The following ACAN variants were observed in gnomAD, a reference collection of about 807,000 sequenced individuals.
ACAN encodes the protein aggrecan core protein.
ACAN carries 47 observed loss-of-function variants against 169.1 expected under a neutral mutation model. The ratio of observed to expected loss-of-function variants is 0.28; its 90% CI spans 0.22 to 0.35. The LOEUF (loss-of-function observed/expected upper bound fraction) is 0.35, where lower values mean the gene tolerates loss of function less well. Ranked by LOEUF, ACAN falls within the 10% of genes least tolerant of loss-of-function variation. The probability of loss-of-function intolerance (pLI) is 1.00; values close to 1 mark genes in which losing one functional copy is unlikely to be tolerated. For missense variants in ACAN, 2,716 were observed against 2,759.9 expected (o/e 0.98, Z 0.36); for synonymous variants, 1,115 against 1,112.2 (o/e 1.00, Z -0.05).
chr15:88,845,675 T>G lies in ACAN; in HGVS notation c.1222T>G (p.Ser408Ala). 1.2e-6 allele frequency: 2 copies of G among 1,613,954 alleles called. No homozygotes were observed. Among genetic ancestry groups the G allele is most frequent in the Non-Finnish European group, 1.7e-6 (2 of 1,179,866 alleles). Residue 408 changes from serine (S) to alanine (A), a missense_variant, in exon 7 of 19, where the codon TCC becomes GCC. By Grantham distance (99) the Ser-to-Ala change is moderately conservative (BLOSUM62 1). Around this residue, in one of 3 missense-constraint regions of ACAN, gnomAD observed 1,283 missense variants for 1,281.5 expected, o/e 1.00. Transcript: ENST00000560601. ...ILTVKPIFEV[S>A]PSPLEPEEPF... ...TACCGTAAAGCCCATCTTCGAGGTCTCCCCCAGTCCCCTGGAACCCGAGGA... is the reference window on the plus strand; with the variant it reads ...TACCGTAAAGCCCATCTTCGAGGTCGCCCCCAGTCCCCTGGAACCCGAGGA...
At chr15:88,825,277 A>C (rs1896185266) in intron 1 of ACAN, among the ~76,000 whole-genome samples, 1 of 152,210 alleles carries the variant, frequency 6.6e-6, no homozygotes, top group African/African-American at 2.4e-5. Flanking sequence ...CAGCAGGATC[A>C]GACTACCCAG....
Position 88,855,349 on chromosome 15 carries a change from G to A in ACAN, c.2764G>A (p.Asp922Asn), listed in dbSNP as rs927161846. 6.2e-7 allele frequency: 1 copy of A among 1,612,622 alleles called. No individual in the cohort carries two copies. The highest frequency in any genetic ancestry group is 8.5e-7 in the Non-Finnish European group (1 of 1,179,118). Residue 922 changes from aspartate (D) to asparagine (N), a missense_variant, in exon 12 of 19, where the codon GAT becomes AAT. By Grantham distance (23) the Asp-to-Asn change is conservative. Transcript: ENST00000560601. Reference protein sequence around the residue: ...LPVESGLPSGDEERIEWPSTP... With the variant: ...LPVESGLPSGNEERIEWPSTP... ...TGTGGAAAGTGGACTACCCTCAGGG[G>A]ATGAAGAGAGAATTGAGTGGCCCAG...
rs76035942 is a variant in ACAN at position 88,839,153 on chromosome 15, G to A, written c.454+107G>A. 1.1e-5 allele frequency: 16 copies of A among 1,422,660 alleles called. No homozygotes were observed. Among genetic ancestry groups the A allele is most frequent in the Non-Finnish European group, 1.3e-5 (14 of 1,051,000 alleles). 88.1% of individuals were successfully genotyped at this position (1,422,660 alleles called of 1,614,324 possible). A position where few individuals can be genotyped will look rare whatever the true frequency, so the allele number is the denominator to read the frequency against. ...CTGGCCTTCAAACCAGCTCCTCCACGCACCTCAGCCAAGTTACTTAACTTC... is the reference window on the plus strand; with the variant it reads ...CTGGCCTTCAAACCAGCTCCTCCACACACCTCAGCCAAGTTACTTAACTTC... On this transcript the variant is annotated intron_variant, in intron 3 of 18. Transcript: ENST00000560601. This position sits in a 1 kb window ranked among gnomAD's most constrained non-coding sequence, Gnocchi z 4.5.
At chr15:88,825,020 A>AGTGCTG (rs1896177440) in intron 1 of ACAN, among the ~76,000 whole-genome samples, 1 of 152,206 alleles carries the variant, frequency 6.6e-6, no homozygotes, top group Admixed American at 6.5e-5. Context: ...GGAAAGATCC[A>AGTGCTG]GAAGTGTGTG....
Position 88,871,344 on chromosome 15 carries a change from C to T in ACAN, c.7061-38C>T, listed in dbSNP as rs761225054. 2 of 1,612,814 alleles carry T rather than the reference C, an allele frequency of 1.2e-6. No individual in the cohort carries two copies. The highest frequency in any genetic ancestry group is 1.7e-5 in the Admixed American group (1 of 59,978). Reference sequence around the variant, plus strand: ...GCAGCATCTGCCATCCCCTGGTGGCCTCTGCCCCTCCCTTCAAGCCCCTGA... The same window carrying T: ...GCAGCATCTGCCATCCCCTGGTGGCTTCTGCCCCTCCCTTCAAGCCCCTGA... On this transcript the variant is annotated intron_variant, in intron 14 of 18. Coordinates refer to ENST00000560601, the MANE Select transcript of ACAN (RefSeq NM_001369268.1). The surrounding 1 kb of genome is among the most constrained non-coding windows in gnomAD (Gnocchi z 7.8).
At chr15:88,816,799 C>T (rs1002651081) in intron 1 of ACAN, among the ~76,000 whole-genome samples, 2 of 152,206 alleles carry the variant, frequency 1.3e-5, no homozygotes, top group African/African-American at 2.4e-5. Flanking sequence ...TTTATTTCAA[C>T]GCACCATGCC....
intron 9 of ACAN, among the ~76,000 whole-genome samples, chr15:88,848,372 C>A (rs1896847258): frequency 6.6e-6 from 1 of 152,168 alleles, no homozygotes. Context: ...GTCCCAATGC[C>A]TGGGCACAAA....
At chr15:88,821,978 T>C (rs1896087717) in intron 1 of ACAN, among the ~76,000 whole-genome samples, 1 of 152,214 alleles carries the variant, frequency 6.6e-6, no homozygotes. Context: ...TGTCCTCTTC[T>C]AGAGGAGTCA....
intron 1 of ACAN, among the ~76,000 whole-genome samples, chr15:88,811,604 G>T (rs547453873): frequency 1.1e-3 from 170 of 152,282 alleles, no homozygotes; most frequent in Middle Eastern, 3.4e-3. Flanking sequence ...GTGGGGTGGG[G>T]TGGGGCTCTG....
chr15:88,861,428 A>C lies in ACAN; in HGVS notation c.6946+989A>C, dbSNP rs891808699. ...CTTCGATAGCCTTTACATCAAACAC[A>C]GAGAAGAATTCTGTGTCTATATATA... On this transcript the variant is annotated intron_variant, in intron 13 of 18. Transcript: ENST00000560601. The surrounding 1 kb of genome is among the most constrained non-coding windows in gnomAD (Gnocchi z 6.3). Among the ~76,000 whole-genome samples the C allele has an allele frequency of 6.6e-6, 1 of 152,200 alleles. No individual in the cohort carries two copies. Among genetic ancestry groups the C allele is most frequent in the Non-Finnish European group, 1.5e-5 (1 of 68,038 alleles).
intron 1 of ACAN, among the ~76,000 whole-genome samples, chr15:88,821,980 G>C (rs925656525): frequency 5.9e-5 from 9 of 152,226 alleles, no homozygotes; most frequent in Non-Finnish European, 1.3e-4. Context: ...TCCTCTTCTA[G>C]AGGAGTCATG....
rs1897380822 is a variant in ACAN, at chr15:88,871,550, G to A, written c.7219+10G>A. 4 of 1,607,452 alleles carry A rather than the reference G, an allele frequency of 2.5e-6. No homozygotes were observed. The highest frequency in any genetic ancestry group is 1.1e-5 in the South Asian group (1 of 90,162). ...CAGGAGTTTGTCAACAGTGAGTGCG[G>A]CGGGGCCTCTGGAGCCTGAGAGGAG... On this transcript the variant is annotated intron_variant, in intron 15 of 18. Coordinates refer to ENST00000560601, the MANE Select transcript of ACAN (RefSeq NM_001369268.1). This position sits in a 1 kb window ranked among gnomAD's most constrained non-coding sequence, Gnocchi z 7.8.
At chr15:88,854,651 A>G (rs1200334683) in intron 11 of ACAN, among the ~76,000 whole-genome samples, 1 of 151,732 alleles carries the variant, frequency 6.6e-6, no homozygotes, top group Non-Finnish European at 1.5e-5. Context: ...TTTTCTCCCT[A>G]TACTTCCTTC....
At chr15:88,823,737 G>C (rs1896135654) in intron 1 of ACAN, among the ~76,000 whole-genome samples, 1 of 151,848 alleles carries the variant, frequency 6.6e-6, no homozygotes, top group African/African-American at 2.4e-5. Context: ...TGGAGATGCA[G>C]CCTTCATTCA....
At position 88,870,955 on chromosome 15, in the gene ACAN, C is replaced by T. The variant is rs1209956567; in HGVS notation, c.7061-427C>T. On this transcript the variant is annotated intron_variant, in intron 14 of 18. Transcript: ENST00000560601. The surrounding 1 kb of genome is among the most constrained non-coding windows in gnomAD (Gnocchi z 6.3). The stretch of plus-strand genomic sequence containing the variant: ...CCCCAGCGCTACCAGCTTCCACTGC[C>T]TCCACACACTTCCCCACAGCTCCAC... Among the ~76,000 whole-genome samples the T allele has an allele frequency of 1.3e-5, 2 of 152,214 alleles. No individual in the cohort carries two copies. The highest frequency in any genetic ancestry group is 3.9e-4 in the East Asian group (2 of 5,192).
chr15:88,822,687 G>C (rs995366386), intron 1 of ACAN, among the ~76,000 whole-genome samples: 2 of 152,118 alleles, frequency 1.3e-5, no homozygotes, highest in Admixed American at 1.3e-4. Context: ...GCCCGCCTCA[G>C]CCTCCCAAAG....
At chr15:88,842,279 C>T (rs1298810675) in intron 5 of ACAN, among the ~76,000 whole-genome samples, 1 of 152,294 alleles carries the variant, frequency 6.6e-6, no homozygotes, top group South Asian at 2.1e-4. Flanking sequence ...CCCAGGGCAG[C>T]TGGCCACCCA....
intron 1 of ACAN, among the ~76,000 whole-genome samples, chr15:88,821,846 C>A (rs1896083802): frequency 6.6e-6 from 1 of 152,124 alleles, no homozygotes; most frequent in South Asian, 2.1e-4. Flanking sequence ...GCTCACAGAA[C>A]TCAGCAAAAC....
rs1897397732 is a variant in ACAN at position 88,872,207 on chromosome 15, C to T, written c.7302+122C>T. On this transcript the variant is annotated intron_variant, in intron 16 of 18. Coordinates refer to ENST00000560601, the MANE Select transcript of ACAN (RefSeq NM_001369268.1). This position sits in a 1 kb window ranked among gnomAD's most constrained non-coding sequence, Gnocchi z 5.4. ...GCTTACCAGCTGCTGGACCGGGAAC[C>T]CTTGAGGGCAGGGATTATCTCCTTC... 4 of 827,676 alleles carry T rather than the reference C, an allele frequency of 4.8e-6. No individual in the cohort carries two copies. In the African/African-American group the frequency reaches 5.0e-5, roughly 10 times the overall value. 51.3% of individuals were successfully genotyped at this position (827,676 alleles called of 1,614,324 possible). A position where few individuals can be genotyped will look rare whatever the true frequency, so the allele number is the denominator to read the frequency against.
Sources: allele counts gnomAD v4.1 joint callset (sites outside exome capture counted in the v4.1 genomes callset), GRCh38; gene constraint gnomAD v4.1.1; regional missense constraint gnomAD v4.1.1; non-coding constraint Gnocchi (gnomAD v3.1); transcripts MANE v1.5; gene names NCBI Gene and HGNC (gene_info 2026-07-23, HGNC 2026-07-21).